The following INPP4B variants were observed in gnomAD, a reference collection of about 807,000 sequenced individuals.
INPP4B encodes the protein inositol polyphosphate 4-phosphatase type II.
In INPP4B, 55 loss-of-function variants were observed where a neutral mutation model predicts 122.5. That is an observed-to-expected ratio of 0.45 (90% confidence interval 0.36 to 0.56). The LOEUF is 0.56. INPP4B is among the 20% of genes least tolerant of loss of function. INPP4B has a pLI of 0.00. For synonymous variants in INPP4B, 403 were observed against 388.7 expected (o/e 1.04, Z -0.43); for missense variants, 1,000 against 1,097.7 (o/e 0.91, Z 1.26).
At chr4:142,165,783 G>T (rs1822415880) in intron 16 of INPP4B, among the ~76,000 whole-genome samples, 1 of 151,684 alleles carries the variant, frequency 6.6e-6, no homozygotes, top group South Asian at 2.1e-4. Flanking sequence ...TTCAAGCTAT[G>T]AAACATTGCT....
chr4:142,611,611 T>G (rs1345058104), intron 2 of INPP4B, among the ~76,000 whole-genome samples: 1 of 151,448 alleles, frequency 6.6e-6, no homozygotes, highest in Non-Finnish European at 1.5e-5. Context: ...TAATTTTCCT[T>G]CTGGAAGTTC....
At chr4:142,438,654 T>C (rs1811051419) in intron 3 of INPP4B, among the ~76,000 whole-genome samples, 1 of 152,174 alleles carries the variant, frequency 6.6e-6, no homozygotes, top group African/African-American at 2.4e-5. Context: ...AAAGATTTTA[T>C]GATGAAATTG....
intron 2 of INPP4B, among the ~76,000 whole-genome samples, chr4:142,639,419 G>T (rs11723809): frequency 2.0e-5 from 3 of 151,956 alleles, no homozygotes; most frequent in African/African-American, 2.4e-5. Context: ...TGATTAAATA[G>T]GTTTATTCAG....
At chr4:142,744,321 C>G (rs780252473) in intron 1 of INPP4B, among the ~76,000 whole-genome samples, 16 of 151,540 alleles carry the variant, frequency 1.1e-4, no homozygotes, top group Middle Eastern at 3.4e-3. Flanking sequence ...GGGACAATAT[C>G]CAACAACTAC....
intron 2 of INPP4B, among the ~76,000 whole-genome samples, chr4:142,472,256 A>G (rs561649405): frequency 3.5e-4 from 53 of 152,224 alleles, no homozygotes; most frequent in African/African-American, 1.3e-3. Flanking sequence ...AGTAGCTTAT[A>G]GCATCAAATG....
intron 14 of INPP4B, among the ~76,000 whole-genome samples, chr4:142,199,462 C>T (rs1839768562): frequency 6.6e-6 from 1 of 151,954 alleles, no homozygotes; most frequent in Non-Finnish European, 1.5e-5. Context: ...AACTAAATTG[C>T]TATCAATATT....
intron 2 of INPP4B, among the ~76,000 whole-genome samples, chr4:142,706,057 C>T (rs2150776584): frequency 6.6e-6 from 1 of 152,344 alleles, no homozygotes; most frequent in East Asian, 1.9e-4. Flanking sequence ...CATCCCTCAA[C>T]CTTTCCTCCT....
chr4:142,496,189 A>AT (rs370026113), intron 2 of INPP4B, among the ~76,000 whole-genome samples: 2 of 151,642 alleles, frequency 1.3e-5, no homozygotes, highest in Non-Finnish European at 1.5e-5. Flanking sequence ...CAAAGTATGT[A>AT]TTTTTTTTCT....
chr4:142,157,992 T>C (rs984912491), intron 17 of INPP4B, among the ~76,000 whole-genome samples: 2 of 152,046 alleles, frequency 1.3e-5, no homozygotes, highest in Non-Finnish European at 2.9e-5. Flanking sequence ...CTCTTCCACC[T>C]GGACCCTACC....
At chr4:142,030,048 G>C (rs1738816343) in intron 25 of INPP4B, 3 of 1,384,398 alleles carry the variant, frequency 2.2e-6, no homozygotes, top group Non-Finnish European at 2.8e-6. Flanking sequence ...ATTTGAAAAT[G>C]TAAAAATATT....
chr4:142,498,109 GTA>G (rs1553944744), intron 2 of INPP4B, among the ~76,000 whole-genome samples: 3 of 89,914 alleles, frequency 3.3e-5, no homozygotes, highest in Admixed American at 1.4e-4. Context: ...GTGTGTGTGT[GTA>G]TATATATATA....
chr4:142,566,660 T>TA (rs1167143260), intron 2 of INPP4B, among the ~76,000 whole-genome samples: 1 of 152,320 alleles, frequency 6.6e-6, no homozygotes, highest in East Asian at 1.9e-4. Flanking sequence ...AGAGAATATG[T>TA]AACTTGTCCA....
rs555609529 is a variant in INPP4B at position 142,467,800 on chromosome 4, C to A, written c.-190-5074G>T. ...TGTGATTCTCCATGTTGAAGGTGGG[C>A]CTGATCAGAGGTGACTGGATCATGG... On this transcript the variant is annotated intron_variant, in intron 2 of 25. Coordinates refer to ENST00000262992, the MANE Select transcript of INPP4B (RefSeq NM_001101669.3). 5.9e-5 allele frequency among the ~76,000 whole-genome samples: 9 copies of A among 152,180 alleles called. 1 individual carries two copies. Among genetic ancestry groups the A allele is most frequent in the Admixed American group, 5.2e-4 (8 of 15,274 alleles).
chr4:142,054,607 A>G (rs1756598245), intron 25 of INPP4B, among the ~76,000 whole-genome samples: 1 of 151,910 alleles, frequency 6.6e-6, no homozygotes, highest in Non-Finnish European at 1.5e-5. Flanking sequence ...TTTCTTGTGA[A>G]CTGACTTAAT....
chr4:142,204,307 A>G (rs1252241703), intron 14 of INPP4B, among the ~76,000 whole-genome samples: 2 of 152,076 alleles, frequency 1.3e-5, no homozygotes, highest in African/African-American at 4.8e-5. Flanking sequence ...TATATATGCA[A>G]TACAATTCAG....
chr4:142,112,657 G>T lies in INPP4B; in HGVS notation c.2161C>A (p.Leu721Ile). The part of the protein sequence containing the change: ...RREHYVVEVK[L>I]PARMFESLPL... ...AGTGACTCAAACATTCTGGCTGGAA[G>T]CTTGACCTCTACCACGTAATGTTCT... The change falls in exon 22 of 26, where the codon CTT (leucine) becomes ATT (isoleucine). Residue 721 changes from leucine to isoleucine, a missense_variant. By Grantham distance (5) the Leu-to-Ile change is conservative. Coordinates refer to ENST00000262992, the MANE Select transcript of INPP4B (RefSeq NM_001101669.3). The T allele has an allele frequency of 6.2e-7, 1 of 1,612,838 alleles. No individual in the cohort carries two copies. The highest frequency in any genetic ancestry group is 2.2e-5 in the East Asian group (1 of 44,794).
At chr4:142,310,883 T>C (rs1414730905) in intron 8 of INPP4B, among the ~76,000 whole-genome samples, 2 of 152,128 alleles carry the variant, frequency 1.3e-5, no homozygotes, top group Non-Finnish European at 1.5e-5. Context: ...TTACAGAATT[T>C]TATCTTTACT....
chr4:142,490,043 G>A (rs1006959316), intron 2 of INPP4B, among the ~76,000 whole-genome samples: 6 of 151,970 alleles, frequency 3.9e-5, no homozygotes, highest in Non-Finnish European at 5.9e-5. Context: ...GGGGAAAGGA[G>A]GGTCTTGGTT....
intron 12 of INPP4B, among the ~76,000 whole-genome samples, chr4:142,236,381 T>C (rs1856701573): frequency 6.6e-6 from 1 of 152,186 alleles, no homozygotes; most frequent in African/African-American, 2.4e-5. Flanking sequence ...ACCATGTCTA[T>C]TGCCTAATAG....
Sources: allele counts gnomAD v4.1 joint callset (sites outside exome capture counted in the v4.1 genomes callset), GRCh38; gene constraint gnomAD v4.1.1; transcripts MANE v1.5; gene names NCBI Gene and HGNC (gene_info 2026-07-23, HGNC 2026-07-21).